Variants in ZNF804B observed in about 807,000 individuals in gnomAD.
ZNF804B encodes zinc finger protein 804B.
Under a neutral mutation model 101.4 loss-of-function variants are expected in ZNF804B, and 80 were observed. The ratio of observed to expected loss-of-function variants is 0.79; its 90% CI spans 0.66 to 0.95. The LOEUF is 0.95. ZNF804B is among the 40% of genes least tolerant of loss of function. The pLI, the probability that ZNF804B is intolerant of heterozygous loss-of-function variation, is 0.00. For missense variants in ZNF804B, 1,673 were observed against 1,561.9 expected, an observed-to-expected ratio of 1.07 and a Z score of -1.20; for synonymous variants, 622 against 558.8, an observed-to-expected ratio of 1.11 and a Z score of -1.59.
intron 2 of ZNF804B, among the ~76,000 whole-genome samples, chr7:89,299,614 G>T (rs1351319902): frequency 1.3e-5 from 2 of 151,954 alleles, no homozygotes; most frequent in Non-Finnish European, 1.5e-5. Context: ...GGCTTATTCA[G>T]AGTGCTTTTC....
intron 1 of ZNF804B, among the ~76,000 whole-genome samples, chr7:89,086,699 G>C (rs1420514618): frequency 1.3e-5 from 2 of 151,988 alleles, no homozygotes; most frequent in African/African-American, 4.8e-5. Context: ...CCATGCAGCA[G>C]ATGGTGGAAT....
chr7:88,775,484 TC>T (rs1790128196), intron 1 of ZNF804B, among the ~76,000 whole-genome samples: 2 of 152,290 alleles, frequency 1.3e-5, no homozygotes, highest in East Asian at 3.9e-4. Flanking sequence ...CATTCCATAG[TC>T]CCAACAGAAG....
At chr7:89,097,084 G>T (rs1362408458) in intron 1 of ZNF804B, among the ~76,000 whole-genome samples, 1 of 152,104 alleles carries the variant, frequency 6.6e-6, no homozygotes, top group Non-Finnish European at 1.5e-5. Flanking sequence ...CTGTATTCAG[G>T]TTCATGTTGA....
chr7:89,280,327 T>C (rs372831391), intron 2 of ZNF804B, among the ~76,000 whole-genome samples: 12 of 151,466 alleles, frequency 7.9e-5, no homozygotes, highest in East Asian at 1.9e-4. Flanking sequence ...AAATTGACAC[T>C]CTAACATCAC....
intron 1 of ZNF804B, among the ~76,000 whole-genome samples, chr7:88,876,598 C>T (rs866889286): frequency 6.6e-5 from 10 of 152,024 alleles, no homozygotes; most frequent in African/African-American, 1.7e-4. Flanking sequence ...TTAATCCACC[C>T]GCTCCCTCAC....
At chr7:88,867,008 A>G (rs918603751) in intron 1 of ZNF804B, among the ~76,000 whole-genome samples, 2 of 152,192 alleles carry the variant, frequency 1.3e-5, no homozygotes, top group Non-Finnish European at 2.9e-5. Flanking sequence ...AATTGTGTGC[A>G]TTGCTTTGTG....
chr7:88,951,432 T>C (rs1237704141), intron 1 of ZNF804B, among the ~76,000 whole-genome samples: 1 of 151,916 alleles, frequency 6.6e-6, no homozygotes, highest in Non-Finnish European at 1.5e-5. Context: ...CAAAGGAAAA[T>C]ATATTTTGTG....
At chr7:88,893,507 A>G (rs1792242984) in intron 1 of ZNF804B, among the ~76,000 whole-genome samples, 1 of 152,254 alleles carries the variant, frequency 6.6e-6, no homozygotes, top group South Asian at 2.1e-4. Flanking sequence ...AAACTATAGC[A>G]TTATCAAAGT....
rs1791030304 is a variant in ZNF804B at position 89,333,981 on chromosome 7, T to G, written c.999T>G (p.Asp333Glu). 3.1e-6 allele frequency: 5 copies of G among 1,613,538 alleles called. No homozygotes were observed. The highest frequency in any genetic ancestry group is 1.7e-5 in the Admixed American group (1 of 59,848). The change falls in exon 4 of 4, where the codon GAT becomes GAG. Residue 333 changes from aspartate to glutamate, a missense_variant. Asp to Glu is a conservative substitution (Grantham distance 45). Transcript: ENST00000333190. ...CTAAATCTAACATTCATCTTTCAGA[T>G]GTAGATTTTACTCCTACCAGCAGAG... ...SFSKSNIHLSDVDFTPTSREK... is the reference protein window; with the variant it reads ...SFSKSNIHLSEVDFTPTSREK...
At position 89,113,962 on chromosome 7, in the gene ZNF804B, A is replaced by T. The variant is rs375392723; in HGVS notation, c.109-104193A>T. Among the ~76,000 whole-genome samples, 14 of 152,252 alleles carry T rather than the reference A, an allele frequency of 9.2e-5. No homozygotes were observed. The East Asian group carries it at 1.2e-3, about 13-fold the overall frequency. ...GGGAACACATTTTCCCAAAGTAATT[A>T]AAAGGAATTTCCTTCCAGGGATAGG... On this transcript the variant is annotated intron_variant, in intron 1 of 3. Transcript: ENST00000333190.
chr7:89,026,403 CAG>C (rs1411163792), intron 1 of ZNF804B, among the ~76,000 whole-genome samples: 1 of 151,996 alleles, frequency 6.6e-6, no homozygotes, highest in African/African-American at 2.4e-5. Flanking sequence ...GGGGTACACA[CAG>C]GGGGAAGAGC....
chr7:88,882,270 A>G (rs1792053702), intron 1 of ZNF804B, among the ~76,000 whole-genome samples: 1 of 152,204 alleles, frequency 6.6e-6, no homozygotes, highest in East Asian at 1.9e-4. Context: ...ATATATTAAA[A>G]AATGCTCAAC....
chr7:89,276,203 A>T (rs1042025689), intron 2 of ZNF804B, among the ~76,000 whole-genome samples: 1 of 151,802 alleles, frequency 6.6e-6, no homozygotes, highest in Non-Finnish European at 1.5e-5. Context: ...ATCAGGAAAA[A>T]TAGGTAATGC....
chr7:89,076,227 C>T (rs2373837), intron 1 of ZNF804B, among the ~76,000 whole-genome samples: 71,318 of 151,960 alleles, frequency 0.47, 17,321 homozygotes, highest in Middle Eastern at 0.53. Flanking sequence ...TATGGTTTGG[C>T]TGCATCCCCA....
At chr7:89,085,707 G>T (rs1789788792) in intron 1 of ZNF804B, among the ~76,000 whole-genome samples, 1 of 151,908 alleles carries the variant, frequency 6.6e-6, no homozygotes, top group South Asian at 2.1e-4. Context: ...AATTGACAAG[G>T]TAAGTAATTG....
chr7:88,908,325 T>C (rs758649929), intron 1 of ZNF804B, among the ~76,000 whole-genome samples: 6 of 151,720 alleles, frequency 4.0e-5, no homozygotes, highest in Admixed American at 2.0e-4. Flanking sequence ...ACTTGTTTGA[T>C]CCTGTTTTTT....
chr7:89,277,669 G>T lies in ZNF804B; in HGVS notation c.250-49675G>T, dbSNP rs535863273. ...CCAATTTCATCCATGTCCCTACAAA[G>T]GACATGAACTCATCATTTTTTATGG... On this transcript the variant is annotated intron_variant, in intron 2 of 3. Coordinates refer to ENST00000333190, the MANE Select transcript of ZNF804B (RefSeq NM_181646.5). Among the ~76,000 whole-genome samples, 568 of 151,444 alleles carry T rather than the reference G, an allele frequency of 3.8e-3. 3 individuals carry two copies. The highest frequency in any genetic ancestry group is 0.013 in the African/African-American group (545 of 41,248).
chr7:88,896,425 A>G (rs1456708082), intron 1 of ZNF804B, among the ~76,000 whole-genome samples: 7 of 152,168 alleles, frequency 4.6e-5, no homozygotes, highest in African/African-American at 1.7e-4. Context: ...ATGAAACTAA[A>G]ATTTGGGATA....
At chr7:88,865,228 CAAAAAAAAA>C (rs10706264) in intron 1 of ZNF804B, among the ~76,000 whole-genome samples, 2 of 115,816 alleles carry the variant, frequency 1.7e-5, no homozygotes, top group Admixed American at 8.9e-5. Context: ...GACTTCGTAT[CAAAAAAAAA>C]AAAAAAAAAA....
Sources: allele counts gnomAD v4.1 joint callset (sites outside exome capture counted in the v4.1 genomes callset), GRCh38; gene constraint gnomAD v4.1.1; transcripts MANE v1.5; gene names NCBI Gene and HGNC (gene_info 2026-07-23, HGNC 2026-07-21).